SCHIP1: variants seen among roughly 807,000 people sequenced by gnomAD.
SCHIP1 encodes the protein schwannomin interacting protein 1.
In SCHIP1, 8 loss-of-function variants were observed where a neutral mutation model predicts 29.7. That is an observed-to-expected ratio of 0.27 (90% CI 0.16 to 0.49). The LOEUF is 0.49. Ranked by LOEUF, SCHIP1 falls within the 20% of genes least tolerant of loss-of-function variation. SCHIP1 has a pLI of 0.99. For synonymous variants in SCHIP1, 76 were observed against 94.9 expected (o/e 0.80, Z 1.16); for missense variants, 193 against 294.6 (o/e 0.66, Z 2.52).
chr3:159,427,926 G>C, the SCHIP1 span, among the ~76,000 whole-genome samples: 2 of 150,864 alleles, frequency 1.3e-5, no homozygotes, highest in African/African-American at 2.4e-5. Flanking sequence ...ACAAACCTGA[G>C]AAAAACAAGC....
At chr3:159,618,922 A>G in the SCHIP1 span, among the ~76,000 whole-genome samples, 2 of 152,174 alleles carry the variant, frequency 1.3e-5, no homozygotes, top group African/African-American at 4.8e-5. Flanking sequence ...GGCCAAATAA[A>G]TCACATCATC....
chr3:159,763,970 CCGGGCCGGGG>C, the SCHIP1 span: 1 of 151,312 alleles, frequency 6.6e-6, no homozygotes, highest in Non-Finnish European at 1.5e-5. Context: ...CCGGGCCGGG[CCGGGCCGGGG>C]CGGGGGGTGG....
the SCHIP1 span, among the ~76,000 whole-genome samples, chr3:159,692,974 T>C: frequency 2.0e-5 from 3 of 152,320 alleles, no homozygotes; most frequent in Non-Finnish European, 4.4e-5. Context: ...ACTGAATTAA[T>C]TTACTATGCA....
At chr3:159,680,293 G>A in the SCHIP1 span, among the ~76,000 whole-genome samples, 3 of 151,286 alleles carry the variant, frequency 2.0e-5, no homozygotes, top group South Asian at 2.1e-4. Context: ...GGCGGATCAC[G>A]AGGTCAAGAG....
At chr3:159,811,392 T>C in the SCHIP1 span, among the ~76,000 whole-genome samples, 1 of 152,246 alleles carries the variant, frequency 6.6e-6, no homozygotes, top group Non-Finnish European at 1.5e-5. Context: ...AAAGATCTTC[T>C]GCTTTCTTCT....
chr3:159,629,862 C>G, the SCHIP1 span, among the ~76,000 whole-genome samples: 1 of 152,216 alleles, frequency 6.6e-6, no homozygotes, highest in Admixed American at 6.5e-5. Context: ...AAGGCATGCA[C>G]TCTGCAGTCA....
chr3:159,579,255 A>G, the SCHIP1 span, among the ~76,000 whole-genome samples: 1 of 152,166 alleles, frequency 6.6e-6, no homozygotes, highest in Non-Finnish European at 1.5e-5. Flanking sequence ...TCACTTTCTA[A>G]TGTAAGACAT....
At chr3:159,649,829 T>C in the SCHIP1 span, among the ~76,000 whole-genome samples, 3 of 152,170 alleles carry the variant, frequency 2.0e-5, no homozygotes, top group African/African-American at 7.2e-5. Context: ...AAAGTGTCCT[T>C]TGCATCAAAA....
the SCHIP1 span, among the ~76,000 whole-genome samples, chr3:159,713,007 TAGAC>T: frequency 0.011 from 1,632 of 149,376 alleles, 22 homozygotes; most frequent in Non-Finnish European, 0.014. Context: ...AATACAAAAT[TAGAC>T]AGGCGTGGTG....
chr3:159,823,443 G>C, the SCHIP1 span, among the ~76,000 whole-genome samples: 1 of 152,166 alleles, frequency 6.6e-6, no homozygotes, highest in Admixed American at 6.5e-5. Context: ...AACGACCTCA[G>C]TTAGATTCCT....
chr3:159,425,368 C>CA, the SCHIP1 span, among the ~76,000 whole-genome samples: 178 of 149,080 alleles, frequency 1.2e-3, 3 homozygotes, highest in South Asian at 0.03. Flanking sequence ...AAATGGAAAA[C>CA]AAAAAAAGGC....
the SCHIP1 span, among the ~76,000 whole-genome samples, chr3:159,349,175 T>C: frequency 6.6e-6 from 1 of 152,330 alleles, no homozygotes; most frequent in Admixed American, 6.5e-5. Flanking sequence ...TTGGTGATGA[T>C]TGGTATGCTA....
intron 2 of SCHIP1, among the ~76,000 whole-genome samples, chr3:159,881,192 A>G (rs562795574): frequency 2.6e-5 from 4 of 152,254 alleles, no homozygotes; most frequent in Non-Finnish European, 5.9e-5. Flanking sequence ...AGAAAAATGA[A>G]ATGTGTTTTT....
At chr3:159,864,018 T>C (rs1412341607) in intron 1 of SCHIP1, among the ~76,000 whole-genome samples, 1 of 152,174 alleles carries the variant, frequency 6.6e-6, no homozygotes, top group Non-Finnish European at 1.5e-5. Context: ...CATGTTGCTA[T>C]CTACTGATTT....
chr3:159,660,551 G>A, the SCHIP1 span, among the ~76,000 whole-genome samples: 1 of 152,000 alleles, frequency 6.6e-6, no homozygotes, highest in South Asian at 2.1e-4. Context: ...TTATACACAT[G>A]CATACACATA....
the SCHIP1 span, chr3:159,273,279 T>C: frequency 6.1e-6 from 6 of 985,928 alleles, no homozygotes; most frequent in Admixed American, 6.1e-5. Context: ...CAGAGCCTGA[T>C]TTCTGCTGTG....
chr3:159,775,307 G>A, the SCHIP1 span, among the ~76,000 whole-genome samples: 1 of 152,224 alleles, frequency 6.6e-6, no homozygotes, highest in East Asian at 1.9e-4. Flanking sequence ...GCAGAGGCAG[G>A]TGATTCTCCA....
At chr3:159,851,590 G>A (rs1712647779) in intron 1 of SCHIP1, among the ~76,000 whole-genome samples, 1 of 152,098 alleles carries the variant, frequency 6.6e-6, no homozygotes, top group Admixed American at 6.5e-5. Context: ...GAAGATGCAT[G>A]CTTCCTTCAT....
At chr3:159,637,222 T>A in the SCHIP1 span, among the ~76,000 whole-genome samples, 5 of 152,186 alleles carry the variant, frequency 3.3e-5, no homozygotes, top group Non-Finnish European at 7.3e-5. Context: ...GGAGCTACCA[T>A]GTGCTAGACT....
Sources: allele counts gnomAD v4.1 joint callset (sites outside exome capture counted in the v4.1 genomes callset), GRCh38; gene constraint gnomAD v4.1.1; transcripts MANE v1.5; gene names NCBI Gene and HGNC (gene_info 2026-07-23, HGNC 2026-07-21).